Variants in FIGNL2 observed in about 807,000 individuals in gnomAD.
The protein encoded by FIGNL2 is fidgetin like 2.
For synonymous variants in FIGNL2, 565 were observed against 484.0 expected (o/e 1.17, Z -2.20); for missense variants, 1,060 against 950.2 (o/e 1.12, Z -1.52).
At chr12:51,841,556 C>T (rs983706239) in intron 1 of FIGNL2, 17 of 152,262 alleles carry the variant, frequency 1.1e-4, no homozygotes, top group African/African-American at 4.1e-4. Context: ...CCACCCTCTT[C>T]CTCAACCTCC....
intron 1 of FIGNL2, chr12:51,847,027 C>T (rs1939766000): frequency 1.0e-6 from 1 of 985,218 alleles, no homozygotes; most frequent in Non-Finnish European, 1.2e-6. Flanking sequence ...TCCCGCCCCG[C>T]CCCCTGCCCG....
chr12:51,821,355 C>T lies in FIGNL2; in HGVS notation c.1059G>A (p.Pro353=), dbSNP rs753941679. The part of the protein sequence containing the change: ...EPFEKFPERA[P]APRGGFAVPS... ...GCACGGCGAACCCCCCACGAGGAGC[C>T]GGGGCCCGCTCCGGGAACTTTTCAA... Residue 353 remains proline, a synonymous_variant, in exon 2 of 2, where the codon CCG becomes CCA. Coordinates refer to ENST00000618634, the MANE Select transcript of FIGNL2 (RefSeq NM_001384995.1). The T allele has an allele frequency of 1.1e-5, 16 of 1,501,148 alleles. No individual in the cohort carries two copies. The highest frequency in any genetic ancestry group is 4.3e-5 in the Admixed American group (2 of 46,984). 93.0% of individuals were successfully genotyped at this position (1,501,148 alleles called of 1,614,324 possible).
Position 51,819,425 on chromosome 12 carries a change from C to T in FIGNL2, c.*1027G>A, listed in dbSNP as rs1939119411. The T allele has an allele frequency of 6.6e-6, 1 of 152,670 alleles. No homozygotes were observed. The highest frequency in any genetic ancestry group is 1.5e-5 in the Non-Finnish European group (1 of 68,070). The allele number at this position is 152,670 out of a possible 1,614,324, so 9.5% of individuals were successfully genotyped here. ...CCTGGGGAGGAAGCCCTTAGGAATA[C>T]ATTCTGCTTCTGACCAGGAATAGCT... is the stretch of plus-strand genomic sequence containing the variant. On this transcript the variant is annotated 3_prime_UTR_variant, in exon 2 of 2. Coordinates refer to ENST00000618634, the MANE Select transcript of FIGNL2 (RefSeq NM_001384995.1).
chr12:51,831,479 G>C (rs538990141), intron 1 of FIGNL2, among the ~76,000 whole-genome samples: 2 of 152,158 alleles, frequency 1.3e-5, no homozygotes, highest in African/African-American at 2.4e-5. Flanking sequence ...CCCAGGTCAC[G>C]CAATCCTCTG....
chr12:51,822,219 C>T lies in FIGNL2; in HGVS notation c.195G>A (p.Glu65=), dbSNP rs1298447889. The change falls in exon 2 of 2, where the codon GAG becomes GAA. Residue 65 remains glutamate (E), a synonymous_variant. Coordinates refer to ENST00000618634, the MANE Select transcript of FIGNL2 (RefSeq NM_001384995.1). ...TASNLLKRYA[E]KYSGVLDSPY... ...GAGAATCCAAGACCCCAGAGTACTTCTCTGCATAGCGCTTTAGGAGGTTGG... is the reference window on the plus strand; with the variant it reads ...GAGAATCCAAGACCCCAGAGTACTTTTCTGCATAGCGCTTTAGGAGGTTGG... 6.2e-7 allele frequency: 1 copy of T among 1,611,548 alleles called. No homozygotes were observed. The highest frequency in any genetic ancestry group is 2.2e-5 in the East Asian group (1 of 44,790).
intron 1 of FIGNL2, chr12:51,845,639 G>A (rs2139004294): frequency 1.0e-6 from 1 of 985,416 alleles, no homozygotes; most frequent in Non-Finnish European, 1.2e-6. Flanking sequence ...CCAAGTCCAG[G>A]AGAGGCAAAG....
chr12:51,820,639 C>T lies in FIGNL2; in HGVS notation c.1775G>A (p.Gly592Asp). 1 of 1,522,912 alleles carries T rather than the reference C, an allele frequency of 6.6e-7. No homozygotes were observed. The highest frequency in any genetic ancestry group is 1.2e-5 in the South Asian group (1 of 83,490). 94.3% of individuals were successfully genotyped at this position (1,522,912 alleles called of 1,614,324 possible). ...ELAALVQGTQ[G>D]FSGGELGQLC... ...CTGCCCCAGCTCGCCCCCAGAGAAG[C>T]CCTGCGTGCCCTGCACCAGCGCCGC... The change falls in exon 2 of 2, where the codon GGC becomes GAC. Residue 592 changes from glycine to aspartate, a missense_variant. By Grantham distance (94) the Gly-to-Asp change is moderately conservative (BLOSUM62 -1). Coordinates refer to ENST00000618634, the MANE Select transcript of FIGNL2 (RefSeq NM_001384995.1).
intron 1 of FIGNL2, among the ~76,000 whole-genome samples, chr12:51,840,054 C>T (rs1939635083): frequency 6.6e-6 from 1 of 152,260 alleles, no homozygotes; most frequent in Non-Finnish European, 1.5e-5. Context: ...TGACTCTGCG[C>T]TTTGCCCTGT....
intron 1 of FIGNL2, among the ~76,000 whole-genome samples, chr12:51,833,165 A>G (rs1357781995): frequency 1.3e-5 from 2 of 152,014 alleles, no homozygotes; most frequent in Admixed American, 6.5e-5. Context: ...CTCCTACCTC[A>G]GCCTCCCAAG....
In FIGNL2 at chr12:51,820,926, C is replaced by T; in HGVS notation, c.1488G>A (p.Leu496=). Residue 496 remains leucine, a synonymous_variant, in exon 2 of 2, where the codon CTG becomes CTA. Transcript: ENST00000618634. ...SVLLISELEA[L]LPARDDGAAA... Reference sequence around the variant, plus strand: ...CCGCGCCGTCGTCCCGGGCGGGGAGCAGCGCCTCTAGCTCGCTGATGAGGA... The same window carrying T: ...CCGCGCCGTCGTCCCGGGCGGGGAGTAGCGCCTCTAGCTCGCTGATGAGGA... The T allele has an allele frequency of 1.5e-6, 2 of 1,320,910 alleles. No individual in the cohort carries two copies. The highest frequency in any genetic ancestry group is 1.9e-6 in the Non-Finnish European group (2 of 1,043,500). 81.8% of individuals were successfully genotyped at this position (1,320,910 alleles called of 1,614,324 possible). A position where few individuals can be genotyped will look rare whatever the true frequency, so the allele number is the denominator to read the frequency against.
Position 51,847,981 on chromosome 12 carries a change from G to C in FIGNL2, c.-12+559C>G, listed in dbSNP as rs534601059. ...CCAGAGGAGAAGACATGAAGAGGGT[G>C]GGTGTTAGGGGCGCGGGGACCCTAA... On this transcript the variant is annotated intron_variant, in intron 1 of 1. Coordinates refer to ENST00000618634, the MANE Select transcript of FIGNL2 (RefSeq NM_001384995.1). The C allele has an allele frequency of 3.1e-5, 19 of 609,588 alleles. No homozygotes were observed. The South Asian group carries it at 1.1e-3, about 35-fold the overall frequency. The allele number at this position is 609,588 out of a possible 1,614,324, so 37.8% of individuals were successfully genotyped here.
At chr12:51,843,793 G>C (rs951063052) in intron 1 of FIGNL2, among the ~76,000 whole-genome samples, 6 of 152,138 alleles carry the variant, frequency 3.9e-5, no homozygotes, top group African/African-American at 1.4e-4. Context: ...GGCCTGGCAG[G>C]CTGGTTGCAA....
chr12:51,840,639 G>A (rs371013923), intron 1 of FIGNL2, among the ~76,000 whole-genome samples: 1 of 152,174 alleles, frequency 6.6e-6, no homozygotes, highest in East Asian at 1.9e-4. Flanking sequence ...GGAGGCTGAG[G>A]CAAGAGAATT....
intron 1 of FIGNL2, among the ~76,000 whole-genome samples, chr12:51,830,961 G>T (rs760323446): frequency 6.6e-6 from 1 of 152,010 alleles, no homozygotes; most frequent in Non-Finnish European, 1.5e-5. Flanking sequence ...GCTAATGTTT[G>T]TGTTTGTTTG....
rs1467138273 is a variant in FIGNL2 at position 51,848,373 on chromosome 12, G to T, written c.-12+167C>A. 5.1e-6 allele frequency: 5 copies of T among 983,580 alleles called. No homozygotes were observed. In the South Asian group the frequency reaches 1.4e-4, roughly 28 times the overall value. The allele number at this position is 983,580 out of a possible 1,614,324, so 60.9% of individuals were successfully genotyped here. A position where few individuals can be genotyped will look rare whatever the true frequency, so the allele number is the denominator to read the frequency against. ...CCTCGGCTCCCACGTACCCGCTAGGGTCTCTCGCCGGCCCTGCCCTCCGAC... is the reference window on the plus strand; with the variant it reads ...CCTCGGCTCCCACGTACCCGCTAGGTTCTCTCGCCGGCCCTGCCCTCCGAC... On this transcript the variant is annotated intron_variant, in intron 1 of 1. Transcript: ENST00000618634.
Position 51,820,882 on chromosome 12 carries a change from T to C in FIGNL2, c.1532A>G (p.Gln511Arg). The C allele has an allele frequency of 2.2e-6, 3 of 1,361,752 alleles. No individual in the cohort carries two copies. Among genetic ancestry groups the C allele is most frequent in the Non-Finnish European group, 2.8e-6 (3 of 1,065,778 alleles). 84.4% of individuals were successfully genotyped at this position (1,361,752 alleles called of 1,614,324 possible). A position where few individuals can be genotyped will look rare whatever the true frequency, so the allele number is the denominator to read the frequency against. Residue 511 changes from glutamine (Q) to arginine (R), a missense_variant, in exon 2 of 2, where the codon CAG (glutamine) becomes CGG (arginine). Gln to Arg is a conservative substitution (Grantham distance 43). Transcript: ENST00000618634. ...GTCCAGGCAGGCCAGGAGCGGCACC[T>C]GCAGCGCGCCCCCTGCCGCCGCGCC... ...DDGAAAGGALQVPLLACLDGG... is the reference protein window; with the variant it reads ...DDGAAAGGALRVPLLACLDGG...
intron 1 of FIGNL2, among the ~76,000 whole-genome samples, chr12:51,831,094 A>T (rs1040953759): frequency 6.6e-6 from 1 of 152,088 alleles, no homozygotes; most frequent in Non-Finnish European, 1.5e-5. Flanking sequence ...TGAGCACAAA[A>T]CCCAGCCTGT....
intron 1 of FIGNL2, among the ~76,000 whole-genome samples, chr12:51,833,258 T>G (rs1301140482): frequency 6.6e-6 from 1 of 152,130 alleles, no homozygotes; most frequent in African/African-American, 2.4e-5. Context: ...CTCACTGTGT[T>G]GTCCAGGCTG....
At chr12:51,829,765 GAGGGA>G (rs1043350993) in intron 1 of FIGNL2, among the ~76,000 whole-genome samples, 2 of 151,602 alleles carry the variant, frequency 1.3e-5, no homozygotes, top group African/African-American at 2.4e-5. Flanking sequence ...AGGAGGGAGG[GAGGGA>G]AGGGAAGAGA....
Sources: allele counts gnomAD v4.1 joint callset (sites outside exome capture counted in the v4.1 genomes callset), GRCh38; gene constraint gnomAD v4.1.1; transcripts MANE v1.5; gene names NCBI Gene and HGNC (gene_info 2026-07-23, HGNC 2026-07-21).